The following PABPC4L variants were observed in gnomAD, a reference collection of about 807,000 sequenced individuals.
PABPC4L encodes the protein polyadenylate-binding protein 4-like.
For missense variants in PABPC4L, 452 were observed against 451.4 expected, an observed-to-expected ratio of 1.00 and a Z score of -0.01; for synonymous variants, 169 against 164.1, an observed-to-expected ratio of 1.03 and a Z score of -0.23.
the PABPC4L span, among the ~76,000 whole-genome samples, chr4:134,138,517 G>A: frequency 1.3e-5 from 2 of 151,832 alleles, no homozygotes; most frequent in South Asian, 2.1e-4. Flanking sequence ...TTTAGTATAG[G>A]TGAAGCATTT....
the PABPC4L span, among the ~76,000 whole-genome samples, chr4:134,084,717 C>T: frequency 6.6e-6 from 1 of 152,094 alleles, no homozygotes; most frequent in Admixed American, 6.6e-5. Context: ...GGGAAGAAGA[C>T]TGAAGTAATA....
At chr4:133,997,536 A>G in the PABPC4L span, among the ~76,000 whole-genome samples, 2 of 152,188 alleles carry the variant, frequency 1.3e-5, no homozygotes, top group Admixed American at 1.3e-4. Context: ...GTTGCCATAA[A>G]GAGTGATTCC....
chr4:134,050,679 T>C, the PABPC4L span, among the ~76,000 whole-genome samples: 1 of 116,248 alleles, frequency 8.6e-6, no homozygotes, highest in African/African-American at 3.6e-5. Context: ...CACTCTAGCC[T>C]GAGCAACAGA....
At chr4:133,965,425 C>A in the PABPC4L span, among the ~76,000 whole-genome samples, 2 of 152,052 alleles carry the variant, frequency 1.3e-5, no homozygotes, top group East Asian at 3.9e-4. Flanking sequence ...ATGCAAGCCC[C>A]ATCAAAATAC....
the PABPC4L span, among the ~76,000 whole-genome samples, chr4:134,037,761 T>G: frequency 6.6e-6 from 1 of 152,190 alleles, no homozygotes; most frequent in African/African-American, 2.4e-5. Flanking sequence ...AATCATGTCA[T>G]CTGCAAAAAG....
the PABPC4L span, among the ~76,000 whole-genome samples, chr4:134,075,097 T>G: frequency 2.6e-5 from 4 of 152,310 alleles, no homozygotes; most frequent in African/African-American, 7.2e-5. Context: ...ATAATTGAAT[T>G]AAAGACAAAA....
At chr4:134,102,450 G>C in the PABPC4L span, among the ~76,000 whole-genome samples, 1 of 151,404 alleles carries the variant, frequency 6.6e-6, no homozygotes, top group Non-Finnish European at 1.5e-5. Context: ...AACTTAGTCA[G>C]AATCTCTGGA....
chr4:133,967,218 T>A, the PABPC4L span, among the ~76,000 whole-genome samples: 1 of 151,986 alleles, frequency 6.6e-6, no homozygotes, highest in African/African-American at 2.4e-5. Flanking sequence ...ATGCATGTAA[T>A]CCCAGCAGTT....
chr4:134,055,414 G>A, the PABPC4L span, among the ~76,000 whole-genome samples: 1 of 151,788 alleles, frequency 6.6e-6, no homozygotes, highest in East Asian at 1.9e-4. Context: ...GTCGTGTAGG[G>A]ACACAATGAG....
the PABPC4L span, among the ~76,000 whole-genome samples, chr4:134,150,594 A>G: frequency 6.6e-6 from 1 of 152,132 alleles, no homozygotes; most frequent in African/African-American, 2.4e-5. Flanking sequence ...GAAAAGATCA[A>G]TTAATTTGAT....
the PABPC4L span, among the ~76,000 whole-genome samples, chr4:134,095,441 A>T: frequency 2.0e-5 from 3 of 151,986 alleles, no homozygotes; most frequent in Non-Finnish European, 2.9e-5. Context: ...TGGTCATGTT[A>T]AACTTTTTTT....
the PABPC4L span, among the ~76,000 whole-genome samples, chr4:133,988,910 T>G: frequency 6.6e-6 from 1 of 152,186 alleles, no homozygotes; most frequent in Non-Finnish European, 1.5e-5. Flanking sequence ...CAAACCTAAA[T>G]TCTTGTCTTC....
chr4:134,144,037 C>T, the PABPC4L span, among the ~76,000 whole-genome samples: 4 of 151,500 alleles, frequency 2.6e-5, no homozygotes, highest in Non-Finnish European at 5.9e-5. Context: ...CTTAAGGTAA[C>T]CACTCAGTCA....
At chr4:134,174,603 A>T in the PABPC4L span, among the ~76,000 whole-genome samples, 1 of 152,144 alleles carries the variant, frequency 6.6e-6, no homozygotes, top group African/African-American at 2.4e-5. Context: ...TGATCAAAAC[A>T]TAATTATGTG....
the PABPC4L span, among the ~76,000 whole-genome samples, chr4:134,105,496 C>T: frequency 2.6e-5 from 4 of 151,518 alleles, no homozygotes; most frequent in Admixed American, 6.6e-5. Flanking sequence ...TGAAATATTG[C>T]TGATTCTAAG....
the PABPC4L span, among the ~76,000 whole-genome samples, chr4:134,108,270 T>G: frequency 6.6e-6 from 1 of 151,896 alleles, no homozygotes; most frequent in Non-Finnish European, 1.5e-5. Context: ...TAACTAAAAT[T>G]ATGTGACAAA....
At chr4:134,050,290 A>C in the PABPC4L span, among the ~76,000 whole-genome samples, 1 of 152,280 alleles carries the variant, frequency 6.6e-6, no homozygotes, top group Admixed American at 6.5e-5. Flanking sequence ...TTGACATACC[A>C]CAAGCCCCAT....
At chr4:134,044,612 C>T in the PABPC4L span, among the ~76,000 whole-genome samples, 4 of 152,250 alleles carry the variant, frequency 2.6e-5, no homozygotes, top group East Asian at 7.7e-4. Flanking sequence ...TTTAGACATG[C>T]TCCATGTTCT....
At chr4:134,037,699 A>G in the PABPC4L span, among the ~76,000 whole-genome samples, 1 of 152,132 alleles carries the variant, frequency 6.6e-6, no homozygotes, top group Non-Finnish European at 1.5e-5. Context: ...GCAAATTAAA[A>G]GCACATCAAG....
Sources: gnomAD v4.1 joint callset for allele counts (sites outside exome capture counted in the v4.1 genomes callset) on GRCh38, gnomAD v4.1.1 for gene constraint, MANE v1.5 for transcripts, NCBI Gene and HGNC (gene_info 2026-07-23, HGNC 2026-07-21) for gene names.